VAV2: variants seen among roughly 807,000 people sequenced by gnomAD.
VAV2 encodes the protein vav guanine nucleotide exchange factor 2, also known as guanine nucleotide exchange factor VAV2.
Under a neutral mutation model 132.5 loss-of-function variants are expected in VAV2, and 67 were observed. The observed-to-expected ratio is 0.51, with a 90% CI of 0.42 to 0.62. The LOEUF (loss-of-function observed/expected upper bound fraction) is 0.62, where lower values mean the gene tolerates loss of function less well. Ranked by LOEUF, VAV2 falls within the 20% of genes least tolerant of loss-of-function variation. The pLI, the probability that VAV2 is intolerant of heterozygous loss-of-function variation, is 0.00. For missense variants in VAV2, 938 were observed against 1,153.6 expected, an observed-to-expected ratio of 0.81 and a Z score of 2.71; for synonymous variants, 492 against 443.5, an observed-to-expected ratio of 1.11 and a Z score of -1.37.
intron 2 of VAV2, among the ~76,000 whole-genome samples, chr9:133,875,938 A>G (rs951656522): frequency 6.6e-6 from 1 of 152,216 alleles, no homozygotes; most frequent in Admixed American, 6.5e-5. Flanking sequence ...CGGGGGCCCA[A>G]ACAGGTCATG....
chr9:133,766,786 A>ATC (rs1833453440), intron 29 of VAV2, among the ~76,000 whole-genome samples: 1 of 144,008 alleles, frequency 6.9e-6, no homozygotes. Flanking sequence ...ATATATATAT[A>ATC]TCCCAAAAAC....
In VAV2 at chr9:133,801,382, G is replaced by A. The variant is rs1313560308; in HGVS notation, c.837-3573C>T. On this transcript the variant is annotated intron_variant, in intron 9 of 29. Coordinates refer to ENST00000371850, the MANE Select transcript of VAV2 (RefSeq NM_001134398.2). ...GAGACGTGACGTGACTTCTGAGGTCGCCCAAGAAGGGGAACAGGGCCAGAT... is the reference window on the plus strand; with the variant it reads ...GAGACGTGACGTGACTTCTGAGGTCACCCAAGAAGGGGAACAGGGCCAGAT... 4.6e-5 allele frequency among the ~76,000 whole-genome samples: 7 copies of A among 152,226 alleles called. No individual in the cohort carries two copies. The South Asian group carries it at 1.0e-3, about 22-fold the overall frequency.
intron 3 of VAV2, among the ~76,000 whole-genome samples, chr9:133,843,623 G>C (rs895212070): frequency 1.3e-5 from 2 of 152,188 alleles, no homozygotes. Context: ...GTAATATTTG[G>C]ACAAGCCACC....
intron 3 of VAV2, among the ~76,000 whole-genome samples, chr9:133,856,727 A>T (rs1180486005): frequency 6.6e-6 from 1 of 152,072 alleles, no homozygotes; most frequent in Non-Finnish European, 1.5e-5. Context: ...GGTGCCGGGG[A>T]GAATTTGTCC....
rs575744524 is a variant in VAV2, at chr9:133,897,631, G to C, written c.322-36199C>G. Among the ~76,000 whole-genome samples, 5 of 152,080 alleles carry C rather than the reference G, an allele frequency of 3.3e-5. No individual in the cohort carries two copies. The South Asian group carries it at 6.2e-4, about 19-fold the overall frequency. On this transcript the variant is annotated intron_variant, in intron 2 of 29. Coordinates refer to ENST00000371850, the MANE Select transcript of VAV2 (RefSeq NM_001134398.2). Reference sequence around the variant, plus strand: ...CCGCAGCAACACAGGCCCCCCTCTGGGTGGCCAAAAGGTGTGGCTCTAAGC... The same window carrying C: ...CCGCAGCAACACAGGCCCCCCTCTGCGTGGCCAAAAGGTGTGGCTCTAAGC...
At chr9:133,801,633 C>T (rs1053773628) in intron 9 of VAV2, among the ~76,000 whole-genome samples, 20 of 152,234 alleles carry the variant, frequency 1.3e-4, no homozygotes, top group African/African-American at 4.6e-4. Context: ...AACTCGGCTG[C>T]AGTGGGTCCA....
chr9:133,787,311 A>C (rs1212581751), intron 15 of VAV2, 51 bp from the exon 16 acceptor site: 1 of 1,531,582 alleles, frequency 6.5e-7, no homozygotes, highest in African/African-American at 1.4e-5. Context: ...TGAGAGGCTA[A>C]GCCCGGCCCT....
rs537423818 is a variant in VAV2, at chr9:133,817,667, C to T, written c.450-5451G>A. Among the ~76,000 whole-genome samples the T allele has an allele frequency of 8.2e-4, 125 of 152,316 alleles. 1 individual carries two copies. Among genetic ancestry groups the T allele is most frequent in the African/African-American group, 3.0e-3 (123 of 41,564 alleles). On this transcript the variant is annotated intron_variant, in intron 4 of 29. Coordinates refer to ENST00000371850, the MANE Select transcript of VAV2 (RefSeq NM_001134398.2). ...ACTTCCACCGTACTATCTTCAAGTT[C>T]AACGACTTTTCCCTCTGCCGTGTGC...
chr9:133,831,639 G>A (rs1187788498), intron 4 of VAV2, among the ~76,000 whole-genome samples: 1 of 152,118 alleles, frequency 6.6e-6, no homozygotes, highest in Non-Finnish European at 1.5e-5. Flanking sequence ...TCAGTCCCTG[G>A]CCACATAAGG....
intron 1 of VAV2, among the ~76,000 whole-genome samples, chr9:133,974,699 C>A (rs1238257044): frequency 1.3e-5 from 2 of 152,120 alleles, no homozygotes; most frequent in Admixed American, 1.3e-4. Flanking sequence ...GTGCCATTCA[C>A]CCACTCAGAA....
intron 2 of VAV2, among the ~76,000 whole-genome samples, chr9:133,910,062 C>T (rs1839823261): frequency 6.6e-6 from 1 of 152,200 alleles, no homozygotes; most frequent in South Asian, 2.1e-4. Flanking sequence ...GGAATTAACA[C>T]AGTGACTGGA....
chr9:133,910,487 T>C (rs1294370138), intron 2 of VAV2, among the ~76,000 whole-genome samples: 1 of 151,614 alleles, frequency 6.6e-6, no homozygotes, highest in African/African-American at 2.4e-5. Context: ...GTTCAGTGAG[T>C]CACTTCCCCA....
chr9:133,768,696 G>A lies in VAV2; in HGVS notation c.2435-100C>T. 1 of 1,434,596 alleles carries A rather than the reference G, an allele frequency of 7.0e-7. No individual in the cohort carries two copies. Among genetic ancestry groups the A allele is most frequent in the Non-Finnish European group, 9.4e-7 (1 of 1,069,140 alleles). The allele number at this position is 1,434,596 out of a possible 1,614,324, so 88.9% of individuals were successfully genotyped here. On this transcript the variant is annotated intron_variant, in intron 28 of 29. Coordinates refer to ENST00000371850, the MANE Select transcript of VAV2 (RefSeq NM_001134398.2). This position sits in a 1 kb window ranked among gnomAD's most constrained non-coding sequence, Gnocchi z 5.3. The stretch of plus-strand genomic sequence containing the variant: ...AGCTGGGTCTCTCCCCTGGTGCCCA[G>A]AACCCTGCTCTGTACCCAGAGAGGA...
Position 133,796,479 on chromosome 9 carries a change from G to A in VAV2, c.982C>T (p.Leu328=). 6.2e-7 allele frequency: 1 copy of A among 1,613,874 alleles called. No homozygotes were observed. Among genetic ancestry groups the A allele is most frequent in the African/African-American group, 1.3e-5 (1 of 75,038 alleles). ...VQDGKFKLQD[L]LVVPMQRVLK... is the part of the protein sequence containing the mutation. ...ACCCTCTGCATGGGGACCACCAGCA[G>A]GTCTTGCAGCTTAAATTTTCCATCC... Residue 328 remains leucine, a synonymous_variant, in exon 11 of 30, where the codon CTG becomes TTG. Transcript: ENST00000371850.
Position 133,991,654 on chromosome 9 carries a change from T to G in VAV2, c.204+421A>C, listed in dbSNP as rs1280460728. 6.6e-6 allele frequency among the ~76,000 whole-genome samples: 1 copy of G among 150,900 alleles called. No individual in the cohort carries two copies. The highest frequency in any genetic ancestry group is 1.5e-5 in the Non-Finnish European group (1 of 67,670). On this transcript the variant is annotated intron_variant, in intron 1 of 29. Transcript: ENST00000371850. This position sits in a 1 kb window ranked among gnomAD's most constrained non-coding sequence, Gnocchi z 4.8. ...GGGCCGGCGCAGCGACCGCGCCCGC[T>G]CTTCCACCGGCGTCCGGCCAGGAGG...
At position 133,785,875 on chromosome 9, in the gene VAV2, C is replaced by G. The variant is rs764213656; in HGVS notation, c.1433G>C (p.Gly478Ala). ...KKSHGKMWSY[G>A]FYLIHLQGKQ... ...TCCTTGAAGGTGAATTAGGTAGAAG[C>G]CGTAGGACCACTGCAGGGGGGAGAG... The change falls in exon 17 of 30, where the codon GGC becomes GCC. Residue 478 changes from glycine to alanine, a missense_variant. Gly to Ala is a moderately conservative substitution (Grantham distance 60). Transcript: ENST00000371850. 1.9e-6 allele frequency: 3 copies of G among 1,613,474 alleles called. No individual in the cohort carries two copies. The highest frequency in any genetic ancestry group is 2.5e-6 in the Non-Finnish European group (3 of 1,179,714).
At position 133,969,433 on chromosome 9, in the gene VAV2, C is replaced by T. The variant is rs1186490349; in HGVS notation, c.204+22642G>A. On this transcript the variant is annotated intron_variant, in intron 1 of 29. Coordinates refer to ENST00000371850, the MANE Select transcript of VAV2 (RefSeq NM_001134398.2). The surrounding 1 kb of genome is among the most constrained non-coding windows in gnomAD (Gnocchi z 5.1). ...AGACCCACCAAGACCACTGACCTCCCACCTTCAAGTCCAGCAAACCTGGAC... is the reference window on the plus strand; with the variant it reads ...AGACCCACCAAGACCACTGACCTCCTACCTTCAAGTCCAGCAAACCTGGAC... 2.6e-5 allele frequency among the ~76,000 whole-genome samples: 4 copies of T among 152,128 alleles called. No individual in the cohort carries two copies. Among genetic ancestry groups the T allele is most frequent in the Non-Finnish European group, 1.5e-5 (1 of 68,014 alleles).
intron 19 of VAV2, among the ~76,000 whole-genome samples, chr9:133,782,887 C>T (rs1366146923): frequency 1.3e-5 from 2 of 152,156 alleles, no homozygotes; most frequent in East Asian, 1.9e-4. Context: ...GGCACAACCC[C>T]AAAGGTATGC....
chr9:133,979,397 C>T (rs1020934222), intron 1 of VAV2, among the ~76,000 whole-genome samples: 7 of 152,258 alleles, frequency 4.6e-5, no homozygotes, highest in African/African-American at 1.7e-4. Context: ...ATGTGTCGGC[C>T]GCTCAGTGCC....
Sources: allele counts gnomAD v4.1 joint callset (sites outside exome capture counted in the v4.1 genomes callset), GRCh38; gene constraint gnomAD v4.1.1; non-coding constraint Gnocchi (gnomAD v3.1); transcripts MANE v1.5; gene names NCBI Gene and HGNC (gene_info 2026-07-23, HGNC 2026-07-21).